The following ATAT1 variants were observed in gnomAD, a reference collection of about 807,000 sequenced individuals.
ATAT1 encodes alpha-tubulin N-acetyltransferase 1.
A neutral mutation model predicts 57.2 loss-of-function variants in ATAT1; 42 were observed. The ratio of observed to expected loss-of-function variants is 0.73; its 90% CI spans 0.57 to 0.95. The LOEUF is 0.95. Ranked by LOEUF, ATAT1 falls within the 40% of genes least tolerant of loss-of-function variation. The probability of loss-of-function intolerance (pLI) is 0.00; values close to 1 mark genes in which losing one functional copy is unlikely to be tolerated. For missense variants in ATAT1, 454 were observed against 523.7 expected (o/e 0.87, Z 1.30); for synonymous variants, 168 against 187.1 (o/e 0.90, Z 0.83).
chr6:30,645,449 C>A (rs968283550), intron 10 of ATAT1, among the ~76,000 whole-genome samples: 3 of 152,028 alleles, frequency 2.0e-5, no homozygotes, highest in African/African-American at 7.3e-5. Context: ...CTCCTGATCA[C>A]GTGATCTGCC....
chr6:30,628,487 A>T, intron 6 of ATAT1, 57 bp downstream of exon 6: 1 of 1,406,392 alleles, frequency 7.1e-7, no homozygotes, highest in Non-Finnish European at 1.0e-6. Flanking sequence ...TTTATTTGTT[A>T]TTTATGGCAA....
chr6:30,632,332 T>G (rs1372281444), intron 6 of ATAT1, among the ~76,000 whole-genome samples: 2 of 151,292 alleles, frequency 1.3e-5, no homozygotes, highest in African/African-American at 4.9e-5. Context: ...CCCAGCATTT[T>G]GGGAGGCCCA....
At chr6:30,643,555 G>A (rs757584092) in intron 10 of ATAT1, 61 of 1,550,136 alleles carry the variant, frequency 3.9e-5, no homozygotes, top group Middle Eastern at 3.3e-4. Flanking sequence ...GAGGAGAGTC[G>A]ATACTAACAG....
chr6:30,644,963 C>T (rs184152745), intron 10 of ATAT1, among the ~76,000 whole-genome samples: 2 of 152,276 alleles, frequency 1.3e-5, no homozygotes, highest in East Asian at 1.9e-4. Flanking sequence ...TTACTCTGGG[C>T]GTGCCTTTGC....
chr6:30,630,587 G>C (rs937795817), intron 6 of ATAT1, among the ~76,000 whole-genome samples: 10 of 151,880 alleles, frequency 6.6e-5, no homozygotes, highest in Non-Finnish European at 7.4e-5. Context: ...AGTGAACCAA[G>C]ATTGCACCAC....
At chr6:30,643,771 C>A in intron 10 of ATAT1, 2 of 1,375,966 alleles carry the variant, frequency 1.5e-6, no homozygotes, top group South Asian at 3.7e-5. Flanking sequence ...CAAAAGCACC[C>A]CTTCTCTCCT....
chr6:30,646,542 G>GC lies in ATAT1; in HGVS notation c.1133dup (p.Ala379GlyfsTer?). ...GCCCATGCACACAGCTCCTCCACAGGCCCCGGCCCCGCCAGCCCAGTCCTG... is the reference window on the plus strand; with the variant it reads ...GCCCATGCACACAGCTCCTCCACAGGCCCCCGGCCCCGCCAGCCCAGTCCTG... On this transcript the variant is annotated frameshift_variant, in exon 13 of 13. Transcript: ENST00000330083. LOFTEE classifies it high-confidence loss of function. 1.9e-6 allele frequency: 3 copies of GC among 1,585,666 alleles called. No homozygotes were observed. The South Asian group carries it at 3.4e-5, about 18-fold the overall frequency.
At chr6:30,643,122 TG>T (rs3214092) in intron 10 of ATAT1, 111 bp downstream of exon 10, 450 of 1,510,004 alleles carry the variant, frequency 3.0e-4, no homozygotes, top group Non-Finnish European at 3.3e-4. Flanking sequence ...ATGGGTGGCT[TG>T]GGGGGGGTCC....
chr6:30,642,216 C>T lies in ATAT1; in HGVS notation c.657C>T (p.Asp219=), dbSNP rs749706007. The change falls in exon 9 of 13, where the codon GAC becomes GAT. Residue 219 remains aspartate, a synonymous_variant. Transcript: ENST00000330083. ...TGCCACCCAAGAGAGCAGAGGGAGA[C>T]ATCAAGCCATACTCCTCTAGTGACC... 4 of 1,614,128 alleles carry T rather than the reference C, an allele frequency of 2.5e-6. No individual in the cohort carries two copies. The South Asian group carries it at 4.4e-5, about 18-fold the overall frequency.
chr6:30,642,827 C>A lies in ATAT1; in HGVS notation c.748C>A (p.Pro250Thr), dbSNP rs1765770138. The change falls in exon 10 of 13, where the codon CCT becomes ACT. Residue 250 changes from proline to threonine, a missense_variant. By Grantham distance (38) the Pro-to-Thr change is conservative. This residue lies in a region of ATAT1 where 216 missense variants were observed against 222.2 expected (regional missense o/e 0.97). Coordinates refer to ENST00000330083, the MANE Select transcript of ATAT1 (RefSeq NM_001031722.4). ...AAACAGGGCCCCTCGCCGCGCCACA[C>A]CTCCAGCCCACCCACCCCCCCGCTC... 6.2e-7 allele frequency: 1 copy of A among 1,604,418 alleles called. No homozygotes were observed. The highest frequency in any genetic ancestry group is 1.1e-5 in the South Asian group (1 of 90,344).
intron 6 of ATAT1, among the ~76,000 whole-genome samples, chr6:30,632,454 C>T (rs947471043): frequency 1.3e-5 from 2 of 151,256 alleles, no homozygotes; most frequent in African/African-American, 4.9e-5. Context: ...CACCTGTAGC[C>T]CCAGCTACTT....
chr6:30,634,975 G>A (rs918609742), intron 6 of ATAT1, among the ~76,000 whole-genome samples: 3 of 152,048 alleles, frequency 2.0e-5, no homozygotes, highest in Admixed American at 2.0e-4. Flanking sequence ...GCAACAGAGC[G>A]AGACTACATC....
At position 30,640,569 on chromosome 6, in the gene ATAT1, C is replaced by T. The variant is rs748061988; in HGVS notation, c.582C>T (p.His194=). 13 of 1,612,910 alleles carry T rather than the reference C, an allele frequency of 8.1e-6. No homozygotes were observed. In the South Asian group the frequency reaches 1.4e-4, roughly 18 times the overall value. ...CTCCCTCTCTGAGGGCAACTCGACACTCTCGTGCTGCTGCAGTCGATCCCA... is the reference window on the plus strand; with the variant it reads ...CTCCCTCTCTGAGGGCAACTCGACATTCTCGTGCTGCTGCAGTCGATCCCA... Residue 194 remains histidine (H), a synonymous_variant, in exon 8 of 13, where the codon CAC becomes CAT. Transcript: ENST00000330083.
chr6:30,646,222 C>T, intron 12 of ATAT1, 113 bp downstream of exon 12: 1 of 1,492,914 alleles, frequency 6.7e-7, no homozygotes, highest in South Asian at 1.3e-5. Context: ...TGGACACCAG[C>T]TCCTCCCACA....
chr6:30,639,812 A>C (rs1765022947), intron 6 of ATAT1, among the ~76,000 whole-genome samples: 1 of 152,032 alleles, frequency 6.6e-6, no homozygotes, highest in Non-Finnish European at 1.5e-5. Context: ...GTATGTTTAG[A>C]TACATCAGCT....
At chr6:30,638,300 CT>C (rs1049208390) in intron 6 of ATAT1, among the ~76,000 whole-genome samples, 4 of 149,480 alleles carry the variant, frequency 2.7e-5, no homozygotes, top group Non-Finnish European at 4.5e-5. Flanking sequence ...CCCCATTAAA[CT>C]TTTTTTTTTG....
chr6:30,637,434 G>A (rs1230489111), intron 6 of ATAT1, among the ~76,000 whole-genome samples: 1 of 151,188 alleles, frequency 6.6e-6, no homozygotes, highest in Non-Finnish European at 1.5e-5. Flanking sequence ...GCAGTGGCAC[G>A]ATCACGGCTC....
At chr6:30,627,596 G>A (rs762439442) in intron 2 of ATAT1, 40 bp from the exon 3 acceptor site, 13 of 1,609,550 alleles carry the variant, frequency 8.1e-6, no homozygotes, top group South Asian at 3.3e-5. Context: ...TGGGTCCTTC[G>A]GAGAGACTTG....
chr6:30,629,169 G>A (rs955101769), intron 6 of ATAT1, among the ~76,000 whole-genome samples: 4 of 151,966 alleles, frequency 2.6e-5, no homozygotes, highest in Admixed American at 6.6e-5. Context: ...AAAGTGCTGG[G>A]ATTATAGGCG....
Sources: gnomAD v4.1 joint callset for allele counts (sites outside exome capture counted in the v4.1 genomes callset) on GRCh38, gnomAD v4.1.1 for gene constraint, gnomAD v4.1.1 regional missense constraint, MANE v1.5 for transcripts, NCBI Gene and HGNC (gene_info 2026-07-23, HGNC 2026-07-21) for gene names.